The following POLR3A variants were observed in gnomAD, a reference collection of about 807,000 sequenced individuals.
POLR3A encodes the protein DNA-directed RNA polymerase III subunit RPC1.
Under a neutral mutation model 152.8 loss-of-function variants are expected in POLR3A, and 112 were observed. The ratio of observed to expected loss-of-function variants is 0.73; its 90% CI spans 0.63 to 0.86. POLR3A has a LOEUF of 0.86. POLR3A is among the 40% of genes least tolerant of loss of function. The pLI is 0.00. For synonymous variants in POLR3A, 615 were observed against 652.1 expected (o/e 0.94, Z 0.87); for missense variants, 1,385 against 1,743.1 (o/e 0.79, Z 3.66).
intron 15 of POLR3A, among the ~76,000 whole-genome samples, chr10:78,007,013 G>A (rs117196320): frequency 0.042 from 6,448 of 152,070 alleles, 330 homozygotes; most frequent in East Asian, 0.23. Context: ...GAGAGGCTGC[G>A]TGAGCCAAGA....
At position 78,013,779 on chromosome 10, in the gene POLR3A, C is replaced by A; in HGVS notation, c.1443G>T (p.Lys481Asn). ...LSIMAHLARV[K>N]PHRTFRFNEC... ...CATTAAATCTGAAGGTCCGGTGGGG[C>A]TTGACCCTGGCCTGTGGAACACAAA... The change falls in exon 11 of 31, where the codon AAG becomes AAT. Residue 481 changes from lysine to asparagine, a missense_variant. Physicochemically the swap from Lys to Asn is moderately conservative, Grantham distance 94. Around this residue, in one of 7 missense-constraint regions of POLR3A, gnomAD observed 493 missense variants for 647.5 expected, o/e 0.76. Transcript: ENST00000372371. 1 of 1,614,152 alleles carries A rather than the reference C, an allele frequency of 6.2e-7. No individual in the cohort carries two copies. Among genetic ancestry groups the A allele is most frequent in the Non-Finnish European group, 8.5e-7 (1 of 1,180,026 alleles).
At chr10:77,998,242 G>T (rs1847321467) in intron 19 of POLR3A, among the ~76,000 whole-genome samples, 1 of 150,874 alleles carries the variant, frequency 6.6e-6, no homozygotes, top group South Asian at 2.1e-4. Context: ...CATAGGCATG[G>T]GCAAGGACTT....
In POLR3A at chr10:78,002,194, G is replaced by C. The variant is rs1847363715; in HGVS notation, c.2359+3C>G. On this transcript the variant is annotated splice_donor_region_variant and intron_variant, in intron 17 of 30. Coordinates refer to ENST00000372371, the MANE Select transcript of POLR3A (RefSeq NM_007055.4). Reference sequence around the variant, plus strand: ...CCAGCAGGTGAGAGAGGGGCATGCAGACCTTTGGAGCCGCACAGAGCCATG... The same window carrying C: ...CCAGCAGGTGAGAGAGGGGCATGCACACCTTTGGAGCCGCACAGAGCCATG... 1 of 1,569,270 alleles carries C rather than the reference G, an allele frequency of 6.4e-7. No homozygotes were observed. The highest frequency in any genetic ancestry group is 1.3e-5 in the African/African-American group (1 of 74,470).
At chr10:77,988,065 C>T (rs1347041400) in intron 21 of POLR3A, among the ~76,000 whole-genome samples, 2 of 152,190 alleles carry the variant, frequency 1.3e-5, no homozygotes, top group Non-Finnish European at 1.5e-5. Flanking sequence ...GGGGCTACCT[C>T]GGGGGCCCAA....
rs189822257 is a variant in POLR3A, at chr10:78,026,878, T to C, written c.45-649A>G. Among the ~76,000 whole-genome samples, 23 of 152,262 alleles carry C rather than the reference T, an allele frequency of 1.5e-4. No homozygotes were observed. In the East Asian group the frequency reaches 3.5e-3, roughly 23 times the overall value. On this transcript the variant is annotated intron_variant, in intron 1 of 30. Coordinates refer to ENST00000372371, the MANE Select transcript of POLR3A (RefSeq NM_007055.4). Reference sequence around the variant, plus strand: ...TCATAGGCACTTCAAACCCCACACATTGAAAACAGACCTCAATACTTTTTC... The same window carrying C: ...TCATAGGCACTTCAAACCCCACACACTGAAAACAGACCTCAATACTTTTTC...
chr10:77,980,287 GA>G lies in POLR3A; in HGVS notation c.3892-15del, dbSNP rs757488110. The G allele has an allele frequency of 5.6e-6, 9 of 1,613,780 alleles. No homozygotes were observed. In the Admixed American group the frequency reaches 8.3e-5, roughly 15 times the overall value. ...CAGGACTTCACCCTGCGTCAAGGGAGAAAGAGTCACGGTGGTACTCACACCA... is the reference window on the plus strand; with the variant it reads ...CAGGACTTCACCCTGCGTCAAGGGAGAAGAGTCACGGTGGTACTCACACCA... On this transcript the variant is annotated splice_polypyrimidine_tract_variant and intron_variant, in intron 29 of 30. Coordinates refer to ENST00000372371, the MANE Select transcript of POLR3A (RefSeq NM_007055.4).
chr10:78,007,883 ATATT>A lies in POLR3A; in HGVS notation c.1910-21_1910-18del. The A allele has an allele frequency of 6.2e-7, 1 of 1,604,054 alleles. No individual in the cohort carries two copies. ...TTGTAACATCTGGAAGAATGATTAT[ATATT>A]TAGACAACAATTATTTATTACTTTG... On this transcript the variant is annotated intron_variant, in intron 14 of 30. Coordinates refer to ENST00000372371, the MANE Select transcript of POLR3A (RefSeq NM_007055.4).
intron 8 of POLR3A, 160 bp from the exon 9 acceptor site, chr10:78,019,425 C>T: frequency 1.6e-6 from 1 of 635,442 alleles, no homozygotes; most frequent in South Asian, 1.8e-5. Context: ...ATAATGTGAA[C>T]AACAGACTGG....
chr10:78,004,605 C>T (rs1847392377), intron 16 of POLR3A, 111 bp downstream of exon 16: 1 of 862,932 alleles, frequency 1.2e-6, no homozygotes, highest in South Asian at 1.4e-5. Flanking sequence ...AATGCCTTGA[C>T]TTGCCCACTC....
chr10:77,980,106 G>A, intron 30 of POLR3A, 35 bp downstream of exon 30: 1 of 1,598,116 alleles, frequency 6.3e-7, no homozygotes, highest in Non-Finnish European at 8.6e-7. Context: ...AATAGTAAAG[G>A]CCTTTGATGC....
chr10:77,987,245 C>A (rs982755369), intron 21 of POLR3A, among the ~76,000 whole-genome samples: 1 of 152,170 alleles, frequency 6.6e-6, no homozygotes, highest in Admixed American at 6.5e-5. Flanking sequence ...CGGGAGCTGG[C>A]ATCGGCTGCT....
Position 78,021,660 on chromosome 10 carries a change from T to C in POLR3A, c.1071A>G (p.Ser357=), listed in dbSNP as rs1847580902. Residue 357 remains serine (S), a synonymous_variant, in exon 8 of 31, where the codon TCA becomes TCG. Transcript: ENST00000372371. ...TGCCAGAAAAATCCACTCTCTTTCC[T>C]GAGAGATTTCCTCTAAATCGACCTA... The part of the protein sequence containing the change: ...GKQGRFRGNL[S]GKRVDFSGRT... 1.2e-6 allele frequency: 2 copies of C among 1,614,122 alleles called. No homozygotes were observed. Among genetic ancestry groups the C allele is most frequent in the African/African-American group, 1.3e-5 (1 of 75,030 alleles).
chr10:78,014,752 A>G (rs1016872760), intron 10 of POLR3A, among the ~76,000 whole-genome samples: 14 of 152,160 alleles, frequency 9.2e-5, no homozygotes, highest in African/African-American at 3.4e-4. Flanking sequence ...CGAACACAGG[A>G]GAGCACTAAG....
At chr10:78,008,755 A>C (rs571441473) in intron 14 of POLR3A, among the ~76,000 whole-genome samples, 15 of 151,940 alleles carry the variant, frequency 9.9e-5, no homozygotes, top group Non-Finnish European at 2.1e-4. Flanking sequence ...CACACCTGTA[A>C]TCCCAGCACT....
Position 78,021,556 on chromosome 10 carries a change from A to G in POLR3A, c.1175T>C (p.Phe392Ser). ...TGAGTGGTCACTTACCTTCTCAGGA[A>G]AAGTTAGAATTTTGGCCACATGAAC... Reference protein sequence around the residue: ...VPVHVAKILTFPEKVNKANIN... With the variant: ...VPVHVAKILTSPEKVNKANIN... The change falls in exon 8 of 31, where the codon TTT becomes TCT. Residue 392 changes from phenylalanine (F) to serine (S), a missense_variant. Phe to Ser is a radical substitution (Grantham distance 155). This residue lies in a region of POLR3A where 493 missense variants were observed against 647.5 expected (regional missense o/e 0.76). Transcript: ENST00000372371. 1 of 1,614,080 alleles carries G rather than the reference A, an allele frequency of 6.2e-7. No homozygotes were observed. The highest frequency in any genetic ancestry group is 8.5e-7 in the Non-Finnish European group (1 of 1,179,952).
At chr10:78,009,218 C>A (rs1049369765) in intron 14 of POLR3A, among the ~76,000 whole-genome samples, 1 of 151,646 alleles carries the variant, frequency 6.6e-6, no homozygotes. Flanking sequence ...TTATTGCCCC[C>A]CCCGCCGCCA....
At chr10:77,994,845 A>G (rs921923179) in intron 19 of POLR3A, among the ~76,000 whole-genome samples, 1 of 152,156 alleles carries the variant, frequency 6.6e-6, no homozygotes, top group Admixed American at 6.5e-5. Flanking sequence ...GAGCAACTCC[A>G]AGACACATAA....
At chr10:77,987,520 TC>T (rs939028623) in intron 21 of POLR3A, among the ~76,000 whole-genome samples, 6 of 151,696 alleles carry the variant, frequency 4.0e-5, no homozygotes, top group East Asian at 1.9e-4. Flanking sequence ...AGGCTGAGGG[TC>T]CCCCAGAGAG....
chr10:78,018,920 AT>A, intron 9 of POLR3A, among the ~76,000 whole-genome samples: 1 of 152,270 alleles, frequency 6.6e-6, no homozygotes, highest in South Asian at 2.1e-4. Context: ...TATCCATGGT[AT>A]TTTGTCCTCC....
Sources: allele counts gnomAD v4.1 joint callset (sites outside exome capture counted in the v4.1 genomes callset), GRCh38; gene constraint gnomAD v4.1.1; regional missense constraint gnomAD v4.1.1; transcripts MANE v1.5; gene names NCBI Gene and HGNC (gene_info 2026-07-23, HGNC 2026-07-21).